The following KCNH5 variants were observed in gnomAD, a reference collection of about 807,000 sequenced individuals.
KCNH5 encodes the protein voltage-gated delayed rectifier potassium channel KCNH5.
In KCNH5, 46 loss-of-function variants were observed where a neutral mutation model predicts 96.1. The observed-to-expected ratio is 0.48, with a 90% CI of 0.38 to 0.61. The LOEUF (loss-of-function observed/expected upper bound fraction) is 0.61, where lower values mean the gene tolerates loss of function less well. KCNH5 is among the 20% of genes least tolerant of loss of function. The pLI is 0.00. For missense variants in KCNH5, 907 were observed against 1,225.8 expected, an observed-to-expected ratio of 0.74 and a Z score of 3.88; for synonymous variants, 439 against 449.8, an observed-to-expected ratio of 0.98 and a Z score of 0.30.
chr14:62,867,395 C>T (rs1888155627), intron 7 of KCNH5, among the ~76,000 whole-genome samples: 1 of 152,146 alleles, frequency 6.6e-6, no homozygotes, highest in South Asian at 2.1e-4. Context: ...CACCCCAAAA[C>T]TCAAGCTCCA....
chr14:62,923,490 T>C (rs12588293), intron 7 of KCNH5, among the ~76,000 whole-genome samples: 88,331 of 151,656 alleles, frequency 0.58, 26,646 homozygotes, highest in African/African-American at 0.71. Flanking sequence ...ATGTAACCCA[T>C]AAAAGACCCT....
chr14:62,788,382 G>A (rs1036596591), intron 9 of KCNH5, among the ~76,000 whole-genome samples: 1 of 152,162 alleles, frequency 6.6e-6, no homozygotes, highest in African/African-American at 2.4e-5. Context: ...TTACGGATGA[G>A]CAAAGAAAGT....
intron 6 of KCNH5, among the ~76,000 whole-genome samples, chr14:62,959,430 T>C (rs1425304721): frequency 6.6e-6 from 1 of 152,056 alleles, no homozygotes; most frequent in Non-Finnish European, 1.5e-5. Context: ...AATCAGCAAA[T>C]ATCCAGTCCA....
At chr14:62,844,441 T>G (rs918053049) in intron 8 of KCNH5, among the ~76,000 whole-genome samples, 1 of 152,186 alleles carries the variant, frequency 6.6e-6, no homozygotes, top group African/African-American at 2.4e-5. Context: ...AGCAAAGTCA[T>G]TTCAAACTGT....
chr14:62,994,743 A>G (rs987535672), intron 4 of KCNH5, among the ~76,000 whole-genome samples: 1 of 152,080 alleles, frequency 6.6e-6, no homozygotes, highest in Non-Finnish European at 1.5e-5. Context: ...GCATGGGTGC[A>G]ATAGAGAGAA....
At chr14:62,837,503 A>T (rs2140033628) in intron 8 of KCNH5, among the ~76,000 whole-genome samples, 1 of 152,320 alleles carries the variant, frequency 6.6e-6, no homozygotes, top group East Asian at 1.9e-4. Flanking sequence ...ACAATTTTCC[A>T]TGTTTTCCTC....
At chr14:62,715,736 A>T (rs1884670932) in intron 10 of KCNH5, among the ~76,000 whole-genome samples, 1 of 152,028 alleles carries the variant, frequency 6.6e-6, no homozygotes, top group Non-Finnish European at 1.5e-5. Flanking sequence ...TTAGGTCCTA[A>T]AATTTTTGAA....
intron 6 of KCNH5, among the ~76,000 whole-genome samples, chr14:62,954,663 C>T (rs991544693): frequency 2.6e-5 from 4 of 152,136 alleles, no homozygotes; most frequent in African/African-American, 2.4e-5. Flanking sequence ...TTAATCTCTA[C>T]ACTGACTAGG....
At chr14:62,767,566 G>A (rs1039040163) in intron 10 of KCNH5, among the ~76,000 whole-genome samples, 10 of 152,138 alleles carry the variant, frequency 6.6e-5, no homozygotes, top group African/African-American at 1.4e-4. Context: ...GTGAATTAAC[G>A]CAGAAACAGA....
intron 7 of KCNH5, among the ~76,000 whole-genome samples, chr14:62,894,937 C>T (rs770136808): frequency 5.9e-5 from 9 of 152,214 alleles, no homozygotes; most frequent in Non-Finnish European, 8.8e-5. Context: ...CTATAGATAA[C>T]GAATCCTATA....
chr14:62,943,647 G>C (rs1057076146), intron 7 of KCNH5, among the ~76,000 whole-genome samples: 10 of 152,046 alleles, frequency 6.6e-5, no homozygotes, highest in African/African-American at 2.4e-4. Flanking sequence ...TCTCACAAAA[G>C]CCCTTTGGTA....
chr14:62,756,533 T>C (rs749942438), intron 10 of KCNH5, among the ~76,000 whole-genome samples: 14 of 152,136 alleles, frequency 9.2e-5, no homozygotes, highest in Non-Finnish European at 1.5e-4. Context: ...GAAATCATAT[T>C]AACTGACTTC....
intron 10 of KCNH5, among the ~76,000 whole-genome samples, chr14:62,714,660 AG>A (rs1884645644): frequency 6.6e-6 from 1 of 152,222 alleles, no homozygotes; most frequent in African/African-American, 2.4e-5. Context: ...AAATTATTAT[AG>A]AAAGTGTTAA....
At chr14:62,951,217 T>C (rs1245373155) in intron 6 of KCNH5, among the ~76,000 whole-genome samples, 1 of 152,114 alleles carries the variant, frequency 6.6e-6, no homozygotes, top group Admixed American at 6.5e-5. Context: ...CTAGCAAAAG[T>C]CACCAAAAAT....
intron 9 of KCNH5, among the ~76,000 whole-genome samples, chr14:62,788,672 T>TCAGC (rs1157639173): frequency 1.3e-5 from 2 of 152,108 alleles, no homozygotes; most frequent in Non-Finnish European, 2.9e-5. Context: ...ATTCCACCCT[T>TCAGC]CAGCAACCAC....
chr14:62,861,317 T>G (rs1888028348), intron 7 of KCNH5, among the ~76,000 whole-genome samples: 1 of 151,688 alleles, frequency 6.6e-6, no homozygotes, highest in Non-Finnish European at 1.5e-5. Flanking sequence ...TCACCCAGGC[T>G]GGAGTGCAGT....
chr14:62,899,194 A>G (rs938042575), intron 7 of KCNH5, among the ~76,000 whole-genome samples: 3 of 152,192 alleles, frequency 2.0e-5, no homozygotes, highest in African/African-American at 7.2e-5. Flanking sequence ...GCAAGTCTTG[A>G]AAATTTCAAA....
At chr14:62,761,856 G>A (rs975397675) in intron 10 of KCNH5, among the ~76,000 whole-genome samples, 1 of 152,100 alleles carries the variant, frequency 6.6e-6, no homozygotes, top group Admixed American at 6.5e-5. Flanking sequence ...GGGACCTTTC[G>A]AAGGATGGCA....
At chr14:62,738,192 G>A (rs1340275972) in intron 10 of KCNH5, among the ~76,000 whole-genome samples, 1 of 152,098 alleles carries the variant, frequency 6.6e-6, no homozygotes, top group Middle Eastern at 3.2e-3. Flanking sequence ...GTACACAGTA[G>A]GTATATGCCA....
Sources: gnomAD v4.1 joint callset for allele counts (sites outside exome capture counted in the v4.1 genomes callset) on GRCh38, gnomAD v4.1.1 for gene constraint, MANE v1.5 for transcripts, NCBI Gene and HGNC (gene_info 2026-07-23, HGNC 2026-07-21) for gene names.